Variants in TMCC3 observed in about 807,000 individuals in gnomAD.
The protein encoded by TMCC3 is transmembrane and coiled-coil domain protein 3.
A neutral mutation model predicts 40.2 loss-of-function variants in TMCC3; 28 were observed. The observed-to-expected ratio is 0.70, with a 90% CI of 0.52 to 0.95. The LOEUF (loss-of-function observed/expected upper bound fraction) is 0.95. Among genes scored for constraint, TMCC3 ranks in the 40% least tolerant of loss-of-function variants. The probability of loss-of-function intolerance (pLI) is 0.00; values close to 1 mark genes in which losing one functional copy is unlikely to be tolerated. For synonymous variants in TMCC3, 255 were observed against 248.5 expected (o/e 1.03, Z -0.25); for missense variants, 554 against 615.2 (o/e 0.90, Z 1.05).
chr12:94,638,834 A>G (rs2068974406), intron 1 of TMCC3, among the ~76,000 whole-genome samples: 1 of 152,204 alleles, frequency 6.6e-6, no homozygotes, highest in Non-Finnish European at 1.5e-5. Context: ...CACTGGAGTA[A>G]ATATATTTAG....
rs1400972890 is a variant in TMCC3, at chr12:94,582,479, T to TGAC, written c.135_137dup (p.Ser46dup). On this transcript the variant is annotated inframe_insertion, in exon 2 of 4. Coordinates refer to ENST00000261226, the MANE Select transcript of TMCC3 (RefSeq NM_020698.4). ...GGACATCAAAGTTGAGGTTGGTGTCTGACCCCCCTCGGCGTATGTTCAGGG... is the reference window on the plus strand; with the variant it reads ...GGACATCAAAGTTGAGGTTGGTGTCTGACGACCCCCCTCGGCGTATGTTCAGGG... The TGAC allele has an allele frequency of 1.9e-6, 3 of 1,613,886 alleles. No individual in the cohort carries two copies. The highest frequency in any genetic ancestry group is 2.5e-6 in the Non-Finnish European group (3 of 1,180,004).
intron 1 of TMCC3, among the ~76,000 whole-genome samples, chr12:94,583,208 G>A (rs571097704): frequency 4.4e-4 from 66 of 150,606 alleles, no homozygotes; most frequent in South Asian, 4.2e-4. Flanking sequence ...AGGCCGGGGG[G>A]TGGGGGCGTG....
At chr12:94,646,756 A>ATTTTT (rs751029088) in intron 1 of TMCC3, among the ~76,000 whole-genome samples, 11 of 119,288 alleles carry the variant, frequency 9.2e-5, no homozygotes, top group African/African-American at 1.8e-4. Flanking sequence ...TTTTTTTTAA[A>ATTTTT]AAACAAATAC....
chr12:94,597,130 T>C (rs1218296237), intron 1 of TMCC3, among the ~76,000 whole-genome samples: 1 of 11,080 alleles, frequency 9.0e-5, no homozygotes, highest in Non-Finnish European at 3.6e-4. Context: ...AATACATATA[T>C]ATATATATAT....
rs747846295 is a variant in TMCC3, at chr12:94,571,572, C to T, written c.1297G>A (p.Ala433Thr). ...TTCATCATGGGTGAGACGAACTTCGCGATGGTGGACACACACACTAAGATG... is the reference window on the plus strand; with the variant it reads ...TTCATCATGGGTGAGACGAACTTCGTGATGGTGGACACACACACTAAGATG... Reference protein sequence around the residue: ...TVILVCVSTIAKFVSPMMKSR... With the variant: ...TVILVCVSTITKFVSPMMKSR... The change falls in exon 4 of 4, where the codon GCG becomes ACG. Residue 433 changes from alanine to threonine, a missense_variant. Coordinates refer to ENST00000261226, the MANE Select transcript of TMCC3 (RefSeq NM_020698.4). 2.2e-5 allele frequency: 35 copies of T among 1,614,008 alleles called. No individual in the cohort carries two copies. The highest frequency in any genetic ancestry group is 2.7e-5 in the African/African-American group (2 of 74,908).
At chr12:94,623,513 T>TAA (rs1482195478) in intron 1 of TMCC3, among the ~76,000 whole-genome samples, 1 of 152,238 alleles carries the variant, frequency 6.6e-6, no homozygotes, top group African/African-American at 2.4e-5. Context: ...CTCTCACAGG[T>TAA]GTTGTACATT....
At chr12:94,581,101 G>C (rs760951866) in intron 2 of TMCC3, among the ~76,000 whole-genome samples, 1 of 152,098 alleles carries the variant, frequency 6.6e-6, no homozygotes, top group Non-Finnish European at 1.5e-5. Flanking sequence ...ATTTTTTTCA[G>C]ATTTTGGAAT....
rs1414916405 is a variant in TMCC3, at chr12:94,617,832, C to T, written c.78+32521G>A. Among the ~76,000 whole-genome samples, 7 of 152,060 alleles carry T rather than the reference C, an allele frequency of 4.6e-5. No individual in the cohort carries two copies. In the South Asian group the frequency reaches 1.5e-3, roughly 32 times the overall value. Reference sequence around the variant, plus strand: ...TGGAAAAGAGGGAGAATTTTGTCAGCCTAATAAAGGCTAGTCAAAGCCTAC... The same window carrying T: ...TGGAAAAGAGGGAGAATTTTGTCAGTCTAATAAAGGCTAGTCAAAGCCTAC... On this transcript the variant is annotated intron_variant, in intron 1 of 3. Coordinates refer to ENST00000261226, the MANE Select transcript of TMCC3 (RefSeq NM_020698.4).
rs111228888 is a variant in TMCC3, at chr12:94,602,492, C to T, written c.79-19954G>A. On this transcript the variant is annotated intron_variant, in intron 1 of 3. Coordinates refer to ENST00000261226, the MANE Select transcript of TMCC3 (RefSeq NM_020698.4). ...TTTAAGAATAGGTTTTAATAAAAGA[C>T]GAAGTTCCATGAACGGTCAGTAACA... 1.1e-4 allele frequency among the ~76,000 whole-genome samples: 17 copies of T among 152,252 alleles called. 2 individuals carry two copies. The highest frequency in any genetic ancestry group is 2.4e-4 in the African/African-American group (10 of 41,528).
chr12:94,649,177 G>A (rs779038306), intron 1 of TMCC3, among the ~76,000 whole-genome samples: 4 of 152,202 alleles, frequency 2.6e-5, no homozygotes, highest in Non-Finnish European at 2.9e-5. Flanking sequence ...ATTAACAGAT[G>A]CTAAAGGAAA....
At chr12:94,572,336 A>G (rs1376595241) in intron 3 of TMCC3, among the ~76,000 whole-genome samples, 1 of 61,578 alleles carries the variant, frequency 1.6e-5, no homozygotes. Context: ...TTTGAGACAG[A>G]GTTTCACTCT....
chr12:94,589,267 G>A (rs909617905), intron 1 of TMCC3, among the ~76,000 whole-genome samples: 5 of 152,146 alleles, frequency 3.3e-5, no homozygotes, highest in African/African-American at 2.4e-5. Flanking sequence ...CTGCTCCTAT[G>A]ATATGCCACC....
chr12:94,633,976 C>T lies in TMCC3; in HGVS notation c.78+16377G>A, dbSNP rs549368483. 3.6e-3 allele frequency among the ~76,000 whole-genome samples: 530 copies of T among 149,014 alleles called. 3 individuals are homozygous for T. The highest frequency in any genetic ancestry group is 5.2e-3 in the Non-Finnish European group (353 of 67,490). On this transcript the variant is annotated intron_variant, in intron 1 of 3. Transcript: ENST00000261226. Reference sequence around the variant, plus strand: ...TTTTTTTTTTTTTGAGACAGAGTCTCGCTCTGTTGCCCAGGCTGGAGTACA... The same window carrying T: ...TTTTTTTTTTTTTGAGACAGAGTCTTGCTCTGTTGCCCAGGCTGGAGTACA...
intron 1 of TMCC3, among the ~76,000 whole-genome samples, chr12:94,630,159 G>A (rs1355516929): frequency 3.9e-5 from 6 of 152,106 alleles, no homozygotes; most frequent in African/African-American, 7.2e-5. Flanking sequence ...CCAGCTACTT[G>A]GGAGGCTGAG....
intron 1 of TMCC3, among the ~76,000 whole-genome samples, chr12:94,646,431 CTTTTTTTTTTTT>C (rs34398994): frequency 1.1e-5 from 1 of 90,730 alleles, no homozygotes; most frequent in South Asian, 3.8e-4. Flanking sequence ...AAGCACACAC[CTTTTTTTTTTTT>C]TTTTTTTTTT....
At chr12:94,592,661 CAAAAAA>C (rs869058316) in intron 1 of TMCC3, among the ~76,000 whole-genome samples, 17 of 27,506 alleles carry the variant, frequency 6.2e-4, no homozygotes, top group Admixed American at 4.2e-3. Context: ...GGCTCCATCT[CAAAAAA>C]AAAAAAAAAA....
At position 94,578,524 on chromosome 12, in the gene TMCC3, T is replaced by A. The variant is rs748829515; in HGVS notation, c.1001A>T (p.Glu334Val). ...GTCATGCAGCTGGTCCTCCAGTCGC[T>A]CATACCTTTAAAAGAGAGGAGCCGA... ...QTLQEERYRY[E>V]RLEDQLHDLT... Residue 334 changes from glutamate (E) to valine (V), a missense_variant, in exon 3 of 4, where the codon GAG becomes GTG. Coordinates refer to ENST00000261226, the MANE Select transcript of TMCC3 (RefSeq NM_020698.4). The A allele has an allele frequency of 2.5e-6, 4 of 1,613,438 alleles. No homozygotes were observed. Among genetic ancestry groups the A allele is most frequent in the Non-Finnish European group, 2.5e-6 (3 of 1,179,642 alleles).
At chr12:94,611,404 A>G (rs929907817) in intron 1 of TMCC3, among the ~76,000 whole-genome samples, 1 of 152,166 alleles carries the variant, frequency 6.6e-6, no homozygotes, top group Admixed American at 6.5e-5. Context: ...TAAGGGACCA[A>G]TGCCACTGAA....
At chr12:94,593,284 T>C (rs534675541) in intron 1 of TMCC3, among the ~76,000 whole-genome samples, 216 of 149,888 alleles carry the variant, frequency 1.4e-3, no homozygotes, top group Non-Finnish European at 2.2e-3. Flanking sequence ...GGAGAATCAC[T>C]TGGACCCTGG....
Sources: gnomAD v4.1 joint callset for allele counts (sites outside exome capture counted in the v4.1 genomes callset) on GRCh38, gnomAD v4.1.1 for gene constraint, MANE v1.5 for transcripts, NCBI Gene and HGNC (gene_info 2026-07-23, HGNC 2026-07-21) for gene names.